STX8: variants seen among roughly 807,000 people sequenced by gnomAD.
The protein encoded by STX8 is syntaxin 8.
Under a neutral mutation model 37.5 loss-of-function variants are expected in STX8, and 23 were observed. The ratio of observed to expected loss-of-function variants is 0.61; its 90% CI spans 0.44 to 0.87. The LOEUF (loss-of-function observed/expected upper bound fraction) is 0.87. Among genes scored for constraint, STX8 ranks in the 40% least tolerant of loss-of-function variants. The probability of loss-of-function intolerance (pLI) is 0.00; values close to 1 mark genes in which losing one functional copy is unlikely to be tolerated. For synonymous variants in STX8, 115 were observed against 99.1 expected, an observed-to-expected ratio of 1.16 and a Z score of -0.95; for missense variants, 313 against 284.7, an observed-to-expected ratio of 1.10 and a Z score of -0.71.
intron 7 of STX8, among the ~76,000 whole-genome samples, chr17:9,322,798 AT>A (rs1909618587): frequency 7.4e-6 from 1 of 135,554 alleles, no homozygotes; most frequent in Non-Finnish European, 1.6e-5. Flanking sequence ...ACCAAACCCA[AT>A]TTGGGTGCAT....
intron 2 of STX8, among the ~76,000 whole-genome samples, chr17:9,559,857 T>TG (rs60523344): frequency 1 from 141,053 of 141,054 alleles, 70,526 homozygotes; most frequent in Middle Eastern, 1. Flanking sequence ...CCGCCTCCCG[T>TG]TTTAAGCGAG....
At chr17:9,311,870 C>T (rs1351226115) in intron 7 of STX8, among the ~76,000 whole-genome samples, 9 of 151,470 alleles carry the variant, frequency 5.9e-5, no homozygotes, top group East Asian at 1.9e-4. Flanking sequence ...TTTTCTGAGA[C>T]GGAGTCTTGC....
At chr17:9,362,812 G>C (rs527277434) in intron 7 of STX8, among the ~76,000 whole-genome samples, 2 of 139,856 alleles carry the variant, frequency 1.4e-5, no homozygotes, top group African/African-American at 5.4e-5. Context: ...CTGGGCGACA[G>C]AGTGAGACTC....
intron 6 of STX8, among the ~76,000 whole-genome samples, chr17:9,450,808 G>A (rs73973766): frequency 0.06 from 9,134 of 151,898 alleles, 712 homozygotes; most frequent in African/African-American, 0.18. Context: ...TTTATTTCTC[G>A]GTGGTATTCT....
At chr17:9,276,239 T>C (rs973764072) in intron 7 of STX8, among the ~76,000 whole-genome samples, 14 of 152,134 alleles carry the variant, frequency 9.2e-5, no homozygotes, top group African/African-American at 1.9e-4. Context: ...TTCTCTGAAG[T>C]TGGACTAGGA....
At chr17:9,544,654 A>C (rs1343599534) in intron 4 of STX8, among the ~76,000 whole-genome samples, 1 of 152,208 alleles carries the variant, frequency 6.6e-6, no homozygotes, top group Non-Finnish European at 1.5e-5. Flanking sequence ...GTTCCACCCA[A>C]GATGGGATTC....
At position 9,383,278 on chromosome 17, in the gene STX8, A is replaced by G. The variant is rs185489452; in HGVS notation, c.542-4625T>C. Among the ~76,000 whole-genome samples, 416 of 152,324 alleles carry G rather than the reference A, an allele frequency of 2.7e-3. 3 individuals carry two copies. Among genetic ancestry groups the G allele is most frequent in the African/African-American group, 9.5e-3 (395 of 41,568 alleles). On this transcript the variant is annotated intron_variant, in intron 6 of 7. Transcript: ENST00000306357. Reference sequence around the variant, plus strand: ...CTAGCACAAAAGTTTTTAGGATGCTACTAAAGCACGACTTATGGAAGTTTA... The same window carrying G: ...CTAGCACAAAAGTTTTTAGGATGCTGCTAAAGCACGACTTATGGAAGTTTA...
At chr17:9,345,149 T>A (rs1910489284) in intron 7 of STX8, among the ~76,000 whole-genome samples, 1 of 151,684 alleles carries the variant, frequency 6.6e-6, no homozygotes, top group African/African-American at 2.4e-5. Flanking sequence ...CAGCTCTCAT[T>A]TTCTTTCTTT....
At chr17:9,534,078 TG>T (rs1905928263) in intron 4 of STX8, among the ~76,000 whole-genome samples, 1 of 151,882 alleles carries the variant, frequency 6.6e-6, no homozygotes, top group Non-Finnish European at 1.5e-5. Context: ...AAGAAATAAC[TG>T]AAAAATACAA....
chr17:9,267,018 G>A (rs1476187166), intron 7 of STX8, among the ~76,000 whole-genome samples: 2 of 152,122 alleles, frequency 1.3e-5, no homozygotes, highest in African/African-American at 4.8e-5. Context: ...AAGCTCCCTG[G>A]CCCACTAGCT....
intron 6 of STX8, among the ~76,000 whole-genome samples, chr17:9,463,908 C>CA (rs11369850): frequency 0.3 from 40,200 of 135,044 alleles, 6,011 homozygotes; most frequent in South Asian, 0.35. Flanking sequence ...AACTCCATCT[C>CA]AAAAAAAAAA....
rs569712332 is a variant in STX8, at chr17:9,320,898, CA to C, written c.643+57653del. On this transcript the variant is annotated intron_variant, in intron 7 of 7. Coordinates refer to ENST00000306357, the MANE Select transcript of STX8 (RefSeq NM_004853.3). ...CCTGGGACAGAGCAAGACTATTTTC[CA>C]AAAAAAAAAAAGAAAGAAATCTTAA... Among the ~76,000 whole-genome samples the C allele has an allele frequency of 8.5e-3, 665 of 78,614 alleles. 6 individuals are homozygous for C. Among genetic ancestry groups the C allele is most frequent in the African/African-American group, 0.02 (502 of 24,914 alleles). The allele number at this position is 78,614 out of a possible 152,430, so 51.6% of individuals were successfully genotyped here. A position where few individuals can be genotyped will look rare whatever the true frequency, so the allele number is the denominator to read the frequency against.
intron 6 of STX8, among the ~76,000 whole-genome samples, chr17:9,420,790 T>C (rs555293567): frequency 7.9e-5 from 12 of 152,338 alleles, no homozygotes; most frequent in Admixed American, 5.2e-4. Flanking sequence ...TGGCTTATTT[T>C]CAGTCTTCCG....
chr17:9,376,334 CA>C (rs2142280963), intron 7 of STX8, among the ~76,000 whole-genome samples: 1 of 152,140 alleles, frequency 6.6e-6, no homozygotes, highest in African/African-American at 2.4e-5. Context: ...CACCAACCAG[CA>C]CGCTGTAAAA....
At chr17:9,336,224 G>A (rs540570825) in intron 7 of STX8, among the ~76,000 whole-genome samples, 1 of 152,160 alleles carries the variant, frequency 6.6e-6, no homozygotes, top group Non-Finnish European at 1.5e-5. Flanking sequence ...GCAAACCAGG[G>A]TGAAAATGCT....
chr17:9,448,867 T>C (rs1904944794), intron 6 of STX8, among the ~76,000 whole-genome samples: 1 of 152,186 alleles, frequency 6.6e-6, no homozygotes, highest in Non-Finnish European at 1.5e-5. Context: ...AATTTTTGCT[T>C]CTCAGAGAAA....
chr17:9,521,697 G>GC (rs1905343527), intron 4 of STX8, among the ~76,000 whole-genome samples: 2 of 152,296 alleles, frequency 1.3e-5, no homozygotes, highest in South Asian at 2.1e-4. Flanking sequence ...ACCTCATGGA[G>GC]CTAATACTCA....
intron 7 of STX8, among the ~76,000 whole-genome samples, chr17:9,369,904 A>G (rs570138883): frequency 0.021 from 3,137 of 147,046 alleles, 53 homozygotes; most frequent in Non-Finnish European, 0.033. Context: ...AAAAAAAAAA[A>G]AAAAAAGAAA....
chr17:9,307,241 T>TC (rs1158179325), intron 7 of STX8, among the ~76,000 whole-genome samples: 6 of 151,990 alleles, frequency 3.9e-5, no homozygotes, highest in Non-Finnish European at 7.4e-5. Context: ...TTTTTTGCCA[T>TC]CCCCCCCACC....
Sources: allele counts gnomAD v4.1 joint callset (sites outside exome capture counted in the v4.1 genomes callset), GRCh38; gene constraint gnomAD v4.1.1; transcripts MANE v1.5; gene names NCBI Gene and HGNC (gene_info 2026-07-23, HGNC 2026-07-21).